Variants in NECAB3 observed in about 807,000 individuals in gnomAD.
NECAB3 encodes N-terminal EF-hand calcium binding protein 3, also known as N-terminal EF-hand calcium-binding protein 3.
NECAB3 carries 38 observed loss-of-function variants against 57.2 expected under a neutral mutation model. The ratio of observed to expected loss-of-function variants is 0.66; its 90% confidence interval spans 0.51 to 0.87. NECAB3 has a LOEUF of 0.87. Ranked by LOEUF, NECAB3 falls within the 40% of genes least tolerant of loss-of-function variation. The pLI, the probability that NECAB3 is intolerant of heterozygous loss-of-function variation, is 0.00. For synonymous variants in NECAB3, 223 were observed against 222.6 expected, an observed-to-expected ratio of 1.00 and a Z score of -0.02; for missense variants, 474 against 527.5, an observed-to-expected ratio of 0.90 and a Z score of 0.99.
chr20:33,663,118 G>C lies in NECAB3; in HGVS notation c.388-2723C>G, dbSNP rs774648330. ...GTACTACTGGAGCTAGAGGCAGGGG[G>C]AATTCCCTAGTGTCCTCTCTTCAGC... is the stretch of plus-strand genomic sequence containing the variant. On this transcript the variant is annotated intron_variant, in intron 5 of 11. Coordinates refer to ENST00000246190, the MANE Select transcript of NECAB3 (RefSeq NM_031232.4). 1.1e-4 allele frequency among the ~76,000 whole-genome samples: 16 copies of C among 152,274 alleles called. 1 individual carries two copies. Among genetic ancestry groups the C allele is most frequent in the East Asian group, 7.7e-4 (4 of 5,182 alleles).
In NECAB3 at chr20:33,662,363, C is replaced by T. The variant is rs1425190545; in HGVS notation, c.388-1968G>A. 3.9e-6 allele frequency: 6 copies of T among 1,551,370 alleles called. No individual in the cohort carries two copies. The East Asian group carries it at 1.2e-4, about 32-fold the overall frequency. ...GCCCTGCCATGGGAAACTATAGTTC[C>T]CACAAAAGGACCAAAGCACCCAAGC... On this transcript the variant is annotated intron_variant, in intron 5 of 11. Coordinates refer to ENST00000246190, the MANE Select transcript of NECAB3 (RefSeq NM_031232.4).
In NECAB3 at chr20:33,669,718, G is replaced by T; in HGVS notation, c.264-6C>A. On this transcript the variant is annotated splice_polypyrimidine_tract_variant and splice_region_variant and intron_variant, in intron 3 of 11. Transcript: ENST00000246190. ...GTTTTTCTGTTTCTAAATTGCTGCA[G>T]GGAAAAGAGAAGGCGCCCTTCAGAC... 1 of 1,593,062 alleles carries T rather than the reference G, an allele frequency of 6.3e-7. No homozygotes were observed. Among genetic ancestry groups the T allele is most frequent in the Non-Finnish European group, 8.6e-7 (1 of 1,169,556 alleles).
chr20:33,670,336 C>G (rs909530813), intron 3 of NECAB3: 15 of 242,504 alleles, frequency 6.2e-5, no homozygotes, highest in African/African-American at 3.4e-4. Context: ...TGGGAGCACA[C>G]AAGGGGTAGA....
intron 1 of NECAB3, 35 bp from the exon 2 acceptor site, chr20:33,672,457 T>C (rs775779210): frequency 1.2e-6 from 2 of 1,613,722 alleles, no homozygotes; most frequent in South Asian, 1.1e-5. Context: ...GAACTGTGAG[T>C]GCCACCTGGG....
intron 7 of NECAB3, 27 bp from the exon 8 acceptor site, chr20:33,659,759 G>A (rs370038454): frequency 5.7e-5 from 89 of 1,560,524 alleles, no homozygotes; most frequent in Non-Finnish European, 7.2e-5. Flanking sequence ...TGCAGGGTCA[G>A]GCAGGGGCCT....
intron 5 of NECAB3, among the ~76,000 whole-genome samples, chr20:33,666,074 C>T (rs886347277): frequency 6.6e-6 from 1 of 152,020 alleles, no homozygotes; most frequent in African/African-American, 2.4e-5. Flanking sequence ...ACCGAGACTC[C>T]GTCTCAAAAA....
At chr20:33,674,671 G>C (rs2017917393), upstream of NECAB3, 1 of 155,202 alleles carries the variant, frequency 6.4e-6, no homozygotes, top group East Asian at 1.9e-4. Context: ...GCCGAGGTCA[G>C]GGTGACACAA....
chr20:33,668,109 G>C (rs770457567), intron 5 of NECAB3: 4 of 1,608,636 alleles, frequency 2.5e-6, no homozygotes, highest in African/African-American at 1.3e-5. Context: ...CCAAGCATGG[G>C]CGTGGCATGG....
intron 1 of NECAB3, among the ~76,000 whole-genome samples, chr20:33,673,302 C>T (rs1601179513): frequency 6.6e-6 from 1 of 152,178 alleles, no homozygotes; most frequent in Admixed American, 6.5e-5. Context: ...TGAACGCCAG[C>T]CCCCTCCAGG....
chr20:33,669,637 C>T (rs2017784353), intron 4 of NECAB3, 50 bp downstream of exon 4: 1 of 1,563,032 alleles, frequency 6.4e-7, no homozygotes, highest in Non-Finnish European at 8.7e-7. Flanking sequence ...CCACACGTAC[C>T]CTGGGGCCCA....
chr20:33,665,941 C>T (rs1568898291), intron 5 of NECAB3, among the ~76,000 whole-genome samples: 2 of 152,052 alleles, frequency 1.3e-5, no homozygotes, highest in South Asian at 4.1e-4. Flanking sequence ...AAATTAGCCG[C>T]GTATGGTGGT....
At chr20:33,662,424 G>C in intron 5 of NECAB3, 1 of 1,551,766 alleles carries the variant, frequency 6.4e-7, no homozygotes, top group Non-Finnish European at 8.7e-7. Context: ...CATGGACAAG[G>C]CCTGGTGGAA....
chr20:33,663,902 G>C (rs1007110745), intron 5 of NECAB3: 2 of 1,366,176 alleles, frequency 1.5e-6, no homozygotes, highest in East Asian at 6.1e-5. Flanking sequence ...TAAAGAGTGC[G>C]TGGCAACCCT....
chr20:33,657,589 C>T lies in NECAB3; in HGVS notation c.*240G>A, dbSNP rs972646224. On this transcript the variant is annotated 3_prime_UTR_variant, in exon 12 of 12. Coordinates refer to ENST00000246190, the MANE Select transcript of NECAB3 (RefSeq NM_031232.4). ...GGACCAGAATCCAGGTCTCCTGAGC[C>T]AGGCAGAAGCCAAAGTAGCTTGGAG... The T allele has an allele frequency of 1.7e-5, 8 of 462,206 alleles. No homozygotes were observed. The highest frequency in any genetic ancestry group is 1.6e-4 in the African/African-American group (8 of 48,662). The allele number at this position is 462,206 out of a possible 1,614,324, so 28.6% of individuals were successfully genotyped here.
chr20:33,670,813 CAG>C, intron 2 of NECAB3, 21 bp from the exon 3 acceptor site: 2 of 1,590,522 alleles, frequency 1.3e-6, no homozygotes, highest in South Asian at 2.2e-5. Context: ...AGGGGGAGGA[CAG>C]GGAGCAGAGG....
chr20:33,669,380 T>C lies in NECAB3; in HGVS notation c.382A>G (p.Lys128Glu), dbSNP rs1469318731. 6.2e-7 allele frequency: 1 copy of C among 1,613,404 alleles called. No individual in the cohort carries two copies. The highest frequency in any genetic ancestry group is 8.5e-7 in the Non-Finnish European group (1 of 1,179,988). ...RAVLAAMDAT[K>E]LEYERASKVD... ...CCATCAGCCACTCCACTCACCAGCT[T>C]GGTGGCATCCATGGCAGCGAGCACT... Residue 128 changes from lysine (K) to glutamate (E), a missense_variant, in exon 5 of 12, where the codon AAG becomes GAG. Coordinates refer to ENST00000246190, the MANE Select transcript of NECAB3 (RefSeq NM_031232.4).
intron 5 of NECAB3, chr20:33,662,895 A>G (rs2122479018): frequency 5.4e-6 from 1 of 185,760 alleles, no homozygotes; most frequent in African/African-American, 2.4e-5. Flanking sequence ...TGACAGCACC[A>G]CTGCTCCAGC....
chr20:33,663,437 G>T, intron 5 of NECAB3: 1 of 1,345,978 alleles, frequency 7.4e-7, no homozygotes, highest in South Asian at 1.3e-5. Flanking sequence ...CAGGACCCGG[G>T]TGGACGAGGG....
intron 2 of NECAB3, among the ~76,000 whole-genome samples, chr20:33,671,145 G>A (rs952984558): frequency 2.0e-5 from 3 of 152,210 alleles, no homozygotes; most frequent in Admixed American, 6.5e-5. Flanking sequence ...GGAAGGACTT[G>A]GGGACCAGCC....
Sources: gnomAD v4.1 joint callset for allele counts (sites outside exome capture counted in the v4.1 genomes callset) on GRCh38, gnomAD v4.1.1 for gene constraint, MANE v1.5 for transcripts, NCBI Gene and HGNC (gene_info 2026-07-23, HGNC 2026-07-21) for gene names.